The following SLC35F3 variants were observed in gnomAD, a reference collection of about 807,000 sequenced individuals.
The protein encoded by SLC35F3 is solute carrier family 35 member F3, also known as putative thiamine transporter SLC35F3.
In SLC35F3, 25 loss-of-function variants were observed where a neutral mutation model predicts 49.9. The observed-to-expected ratio is 0.50, with a 90% CI of 0.37 to 0.70. The LOEUF (loss-of-function observed/expected upper bound fraction) is 0.70. SLC35F3 is among the 30% of genes least tolerant of loss of function. The probability of loss-of-function intolerance (pLI) is 0.00; values close to 1 mark genes in which losing one functional copy is unlikely to be tolerated. For synonymous variants in SLC35F3, 275 were observed against 265.4 expected, an observed-to-expected ratio of 1.04 and a Z score of -0.35; for missense variants, 525 against 639.8, an observed-to-expected ratio of 0.82 and a Z score of 1.94.
rs898992611 is a variant in SLC35F3 at position 234,234,551 on chromosome 1, C to T, written c.608+2810C>T. On this transcript the variant is annotated intron_variant, in intron 3 of 7. Coordinates refer to ENST00000366618, the MANE Select transcript of SLC35F3 (RefSeq NM_173508.4). ...CCTAGTGCTGCTGGCCCACAGGCTG[C>T]ACTTTAACTGTAAATGCCCTGGAGT... 8.5e-5 allele frequency among the ~76,000 whole-genome samples: 13 copies of T among 152,250 alleles called. 1 individual carries two copies. The South Asian group carries it at 2.7e-3, about 32-fold the overall frequency.
At chr1:234,232,272 T>A (rs1441872258) in intron 3 of SLC35F3, among the ~76,000 whole-genome samples, 2 of 152,126 alleles carry the variant, frequency 1.3e-5, no homozygotes, top group Non-Finnish European at 2.9e-5. Context: ...AAGCAGTGTC[T>A]GGACTTTGTT....
chr1:234,080,161 A>G (rs942574323), intron 2 of SLC35F3, among the ~76,000 whole-genome samples: 1 of 152,156 alleles, frequency 6.6e-6, no homozygotes, highest in Non-Finnish European at 1.5e-5. Flanking sequence ...TAATGATTTA[A>G]TCACCCCTGC....
chr1:234,240,540 G>C (rs1350570606), intron 3 of SLC35F3, among the ~76,000 whole-genome samples: 3 of 152,054 alleles, frequency 2.0e-5, no homozygotes, highest in East Asian at 3.9e-4. Flanking sequence ...AGGAGGCAGA[G>C]GTTGCAGTGA....
At chr1:234,276,128 C>A (rs1043149499) in intron 3 of SLC35F3, among the ~76,000 whole-genome samples, 1 of 152,142 alleles carries the variant, frequency 6.6e-6, no homozygotes, top group African/African-American at 2.4e-5. Context: ...TTTATCACCC[C>A]TTTTTACAGT....
At chr1:234,076,748 A>G (rs1664797807) in intron 2 of SLC35F3, among the ~76,000 whole-genome samples, 1 of 152,062 alleles carries the variant, frequency 6.6e-6, no homozygotes, top group African/African-American at 2.4e-5. Context: ...GGCATGAGCC[A>G]CCATGCCTAG....
intron 3 of SLC35F3, among the ~76,000 whole-genome samples, chr1:234,283,784 A>G (rs1668366447): frequency 6.6e-6 from 1 of 152,254 alleles, no homozygotes; most frequent in East Asian, 1.9e-4. Context: ...CCAAGACATT[A>G]CAGCATGAGA....
intron 2 of SLC35F3, among the ~76,000 whole-genome samples, chr1:234,074,274 A>T (rs1026464459): frequency 6.6e-6 from 1 of 152,152 alleles, no homozygotes; most frequent in South Asian, 2.1e-4. Flanking sequence ...ATTACCTGCT[A>T]TTATCTCTTC....
intron 7 of SLC35F3, among the ~76,000 whole-genome samples, chr1:234,322,437 T>A (rs1341502713): frequency 6.6e-6 from 1 of 152,014 alleles, no homozygotes; most frequent in Non-Finnish European, 1.5e-5. Flanking sequence ...ATTAAGAAAA[T>A]CGTAAGAAAG....
At chr1:234,102,049 C>G (rs1360718725) in intron 2 of SLC35F3, among the ~76,000 whole-genome samples, 2 of 152,188 alleles carry the variant, frequency 1.3e-5, no homozygotes, top group East Asian at 3.8e-4. Context: ...CCACAGCACA[C>G]CTGACTGCTG....
intron 2 of SLC35F3, among the ~76,000 whole-genome samples, chr1:234,080,266 C>G (rs1412128486): frequency 6.6e-6 from 1 of 152,110 alleles, no homozygotes; most frequent in African/African-American, 2.4e-5. Flanking sequence ...GGTTGCTGTG[C>G]CTGGGAGGGC....
chr1:234,286,335 T>C (rs1321711669), intron 3 of SLC35F3, among the ~76,000 whole-genome samples: 1 of 151,218 alleles, frequency 6.6e-6, no homozygotes, highest in Admixed American at 6.6e-5. Flanking sequence ...GAAAATTTAA[T>C]AGGAATAAAT....
chr1:233,908,287 A>G (rs1355327568), intron 2 of SLC35F3, among the ~76,000 whole-genome samples: 1 of 152,060 alleles, frequency 6.6e-6, no homozygotes, highest in Non-Finnish European at 1.5e-5. Context: ...AAAGTGATTT[A>G]TCTGTGTCCT....
Position 233,904,974 on chromosome 1 carries a change from G to A in SLC35F3, c.-104G>A, listed in dbSNP as rs1312502090. 1 of 1,324,006 alleles carries A rather than the reference G, an allele frequency of 7.6e-7. No homozygotes were observed. The highest frequency in any genetic ancestry group is 2.7e-5 in the East Asian group (1 of 36,746). 82.0% of individuals were successfully genotyped at this position (1,324,006 alleles called of 1,614,324 possible). Reference sequence around the variant, plus strand: ...GCCGGCGCGGCGCAGACCCTCGGTGGGCAGCGCACTCCAGTCTTCCCAGGC... The same window carrying A: ...GCCGGCGCGGCGCAGACCCTCGGTGAGCAGCGCACTCCAGTCTTCCCAGGC... On this transcript the variant is annotated 5_prime_UTR_variant, in exon 1 of 8. Transcript: ENST00000366618.
At chr1:234,255,797 G>A (rs1009412442) in intron 3 of SLC35F3, among the ~76,000 whole-genome samples, 1 of 152,132 alleles carries the variant, frequency 6.6e-6, no homozygotes, top group African/African-American at 2.4e-5. Flanking sequence ...GTGGAGCTTG[G>A]GGGATTAAAA....
intron 2 of SLC35F3, among the ~76,000 whole-genome samples, chr1:233,923,711 T>C (rs905210868): frequency 1.3e-5 from 2 of 152,210 alleles, no homozygotes; most frequent in African/African-American, 4.8e-5. Context: ...AGAGAGGGCA[T>C]CCCTGTCTTG....
At chr1:234,281,616 G>C (rs967402871) in intron 3 of SLC35F3, among the ~76,000 whole-genome samples, 1 of 152,176 alleles carries the variant, frequency 6.6e-6, no homozygotes. Flanking sequence ...GTTTAAAATA[G>C]AATCCTGAGA....
rs111372604 is a variant in SLC35F3 at position 234,169,799 on chromosome 1, A to G, written c.284-61618A>G. On this transcript the variant is annotated intron_variant, in intron 2 of 7. Coordinates refer to ENST00000366618, the MANE Select transcript of SLC35F3 (RefSeq NM_173508.4). The stretch of plus-strand genomic sequence containing the variant: ...TGTTTTGTTTTTGAGTTGGAGTCTC[A>G]CTCTGTCTCCCAGGCTGGAGTGCAG... Among the ~76,000 whole-genome samples, 1,169 of 151,872 alleles carry G rather than the reference A, an allele frequency of 7.7e-3. 21 individuals are homozygous for G. The highest frequency in any genetic ancestry group is 0.026 in the African/African-American group (1,057 of 41,392).
intron 2 of SLC35F3, among the ~76,000 whole-genome samples, chr1:234,062,533 A>G (rs1045078298): frequency 2.6e-5 from 4 of 152,190 alleles, no homozygotes; most frequent in Non-Finnish European, 5.9e-5. Context: ...TAGTAAGCCT[A>G]AAGTTGTCTT....
chr1:234,146,481 C>CTTTTTTTTTTTTTTTTTTTTTTT lies in SLC35F3; in HGVS notation c.284-84934_284-84912dup, dbSNP rs869146212. Among the ~76,000 whole-genome samples the CTTTTTTTTTTTTTTTTTTTTTTT allele has an allele frequency of 2.7e-4, 20 of 74,042 alleles. 5 individuals carry two copies. Among genetic ancestry groups the CTTTTTTTTTTTTTTTTTTTTTTT allele is most frequent in the East Asian group, 2.4e-3 (2 of 850 alleles). The allele number at this position is 74,042 out of a possible 152,430, so 48.6% of individuals were successfully genotyped here. A position where few individuals can be genotyped will look rare whatever the true frequency, so the allele number is the denominator to read the frequency against. ...AATAAAAGTTACCAAGATATTTGCT[C>CTTTTTTTTTTTTTTTTTTTTTTT]TTTTTTTTTTTTTTTTTTTTTTTTC... On this transcript the variant is annotated intron_variant, in intron 2 of 7. Coordinates refer to ENST00000366618, the MANE Select transcript of SLC35F3 (RefSeq NM_173508.4).
Sources: gnomAD v4.1 joint callset for allele counts (sites outside exome capture counted in the v4.1 genomes callset) on GRCh38, gnomAD v4.1.1 for gene constraint, MANE v1.5 for transcripts, NCBI Gene and HGNC (gene_info 2026-07-23, HGNC 2026-07-21) for gene names.